ANKRD30A: variants seen among roughly 807,000 people sequenced by gnomAD.
ANKRD30A encodes ankyrin repeat domain 30A, also known as ankyrin repeat domain-containing protein 30A.
A neutral mutation model predicts 166.3 loss-of-function variants in ANKRD30A; 170 were observed. The ratio of observed to expected loss-of-function variants is 1.02; its 90% CI spans 0.90 to 1.16. The LOEUF (loss-of-function observed/expected upper bound fraction) is 1.16. Among genes scored for constraint, ANKRD30A ranks in the 50% most tolerant of loss-of-function variants. The probability of loss-of-function intolerance (pLI) is 0.00; values close to 1 mark genes in which losing one functional copy is unlikely to be tolerated. For synonymous variants in ANKRD30A, 564 were observed against 508.9 expected, an observed-to-expected ratio of 1.11 and a Z score of -1.46; for missense variants, 1,630 against 1,518.0, an observed-to-expected ratio of 1.07 and a Z score of -1.23.
In ANKRD30A at chr10:37,198,957, C is replaced by G. The variant is rs142992596; in HGVS notation, c.2717-770C>G. 2.3e-4 allele frequency among the ~76,000 whole-genome samples: 35 copies of G among 152,106 alleles called. 1 individual carries two copies. Among genetic ancestry groups the G allele is most frequent in the Middle Eastern group, 6.8e-3 (2 of 294 alleles). On this transcript the variant is annotated intron_variant, in intron 29 of 35. Coordinates refer to ENST00000361713, the MANE Select transcript of ANKRD30A (RefSeq NM_052997.3). ...TTCTGTCTCATGTTCCTGAGAACTC[C>G]TCAAGTCTTGAGTGGGCCTTGATTT...
chr10:37,249,272 A>G, the ANKRD30A span, among the ~76,000 whole-genome samples: 1 of 152,218 alleles, frequency 6.6e-6, no homozygotes, highest in Non-Finnish European at 1.5e-5. Flanking sequence ...ATCTAAAGAT[A>G]CTTAAGTGAC....
At chr10:37,179,313 A>C (rs1422313210) in intron 24 of ANKRD30A, among the ~76,000 whole-genome samples, 2 of 150,912 alleles carry the variant, frequency 1.3e-5, no homozygotes, top group African/African-American at 4.8e-5. Context: ...AACGTAGAAA[A>C]TGTTATTAAT....
intron 24 of ANKRD30A, among the ~76,000 whole-genome samples, chr10:37,178,094 T>C (rs1839875281): frequency 6.6e-6 from 1 of 151,324 alleles, no homozygotes; most frequent in Non-Finnish European, 1.5e-5. Context: ...AACAGGTTTA[T>C]GTAATGGAGG....
intron 27 of ANKRD30A, among the ~76,000 whole-genome samples, chr10:37,195,215 A>G (rs1840980302): frequency 6.6e-6 from 1 of 152,232 alleles, no homozygotes; most frequent in African/African-American, 2.4e-5. Context: ...ATATGAAATA[A>G]TGTCTGAAGT....
chr10:37,194,402 C>T (rs1435832108), intron 27 of ANKRD30A, among the ~76,000 whole-genome samples: 3 of 150,970 alleles, frequency 2.0e-5, no homozygotes, highest in South Asian at 2.1e-4. Flanking sequence ...AGTGCCATGG[C>T]GCCATCTCGG....
In ANKRD30A at chr10:37,224,473, CGT is replaced by C. The variant is rs57256401; in HGVS notation, c.4185+4579_4185+4580del. On this transcript the variant is annotated intron_variant, in intron 34 of 35. Coordinates refer to ENST00000361713, the MANE Select transcript of ANKRD30A (RefSeq NM_052997.3). Reference sequence around the variant, plus strand: ...GTTGTTTTTGATACACACACACACACGTGTATATATACACATATATTATATGT... The same window carrying C: ...GTTGTTTTTGATACACACACACACACGTATATATACACATATATTATATGT... Among the ~76,000 whole-genome samples, 1,390 of 149,958 alleles carry C rather than the reference CGT, an allele frequency of 9.3e-3. 32 individuals are homozygous for C. In the East Asian group the frequency reaches 0.095, roughly 10 times the overall value.
At chr10:37,158,650 A>C in intron 15 of ANKRD30A, 64 bp downstream of exon 15, 1 of 1,586,552 alleles carries the variant, frequency 6.3e-7, no homozygotes, top group Non-Finnish European at 8.6e-7. Flanking sequence ...AAATGCTGTG[A>C]GACTTTTCAT....
At position 37,219,652 on chromosome 10, in the gene ANKRD30A, G is replaced by T; in HGVS notation, c.3940G>T (p.Glu1314Ter). 1 of 1,596,122 alleles carries T rather than the reference G, an allele frequency of 6.3e-7. No homozygotes were observed. The highest frequency in any genetic ancestry group is 1.1e-5 in the South Asian group (1 of 90,916). The stretch of plus-strand genomic sequence containing the variant: ...ACAAGATAATGTGAACAAACACACT[G>T]AACAGCAGGAGTCTCTAGATCAGAA... Reference protein sequence around the residue: ...NEQDNVNKHTEQQESLDQKLF... With the variant: ...NEQDNVNKHT The change falls in exon 34 of 36, where the codon GAA becomes TAA. Residue 1314 changes from glutamate to a stop codon, truncating the protein, a stop_gained. Coordinates refer to ENST00000361713, the MANE Select transcript of ANKRD30A (RefSeq NM_052997.3). LOFTEE classifies it high-confidence loss of function.
chr10:37,250,525 T>C, the ANKRD30A span, among the ~76,000 whole-genome samples: 1 of 152,102 alleles, frequency 6.6e-6, no homozygotes, highest in African/African-American at 2.4e-5. Context: ...CGTCCTACTG[T>C]GATCTGAATG....
At chr10:37,160,616 T>A (rs555748714) in intron 15 of ANKRD30A, among the ~76,000 whole-genome samples, 18 of 152,228 alleles carry the variant, frequency 1.2e-4, no homozygotes, top group South Asian at 1.0e-3. Context: ...CTCTTTTTTT[T>A]AAAAAAATAT....
At chr10:37,230,401 T>C (rs1843366813) in intron 34 of ANKRD30A, among the ~76,000 whole-genome samples, 1 of 152,046 alleles carries the variant, frequency 6.6e-6, no homozygotes, top group Admixed American at 6.6e-5. Flanking sequence ...AAAGTGTTTG[T>C]CCAGGAGAGT....
At chr10:37,148,113 A>G (rs1837642636) in intron 9 of ANKRD30A, among the ~76,000 whole-genome samples, 1 of 151,700 alleles carries the variant, frequency 6.6e-6, no homozygotes, top group Non-Finnish European at 1.5e-5. Context: ...CCTTGTTAAT[A>G]CACAGTATCA....
At chr10:37,158,266 A>G (rs182897829) in intron 13 of ANKRD30A, 126 bp from the exon 14 acceptor site, 1 of 1,420,892 alleles carries the variant, frequency 7.0e-7, no homozygotes, top group Admixed American at 2.2e-5. Flanking sequence ...AAAGACCCCA[A>G]AACATAGTGT....
the ANKRD30A span, among the ~76,000 whole-genome samples, chr10:37,251,201 T>G: frequency 4.0e-5 from 6 of 151,244 alleles, no homozygotes; most frequent in African/African-American, 1.5e-4. Flanking sequence ...TTGAGGGGAG[T>G]GAAAGGTGGT....
chr10:37,243,207 T>C, the ANKRD30A span, among the ~76,000 whole-genome samples: 1 of 150,908 alleles, frequency 6.6e-6, no homozygotes, highest in South Asian at 2.1e-4. Context: ...CGATCTCGGC[T>C]CACTGCAAGC....
intron 21 of ANKRD30A, among the ~76,000 whole-genome samples, chr10:37,172,543 C>CTTTTT (rs148180513): frequency 2.4e-5 from 2 of 83,040 alleles, no homozygotes; most frequent in Non-Finnish European, 2.5e-5. Context: ...TTTTTAATTT[C>CTTTTT]TTTTTTTTTT....
chr10:37,165,953 G>T (rs552083039), intron 18 of ANKRD30A, among the ~76,000 whole-genome samples: 2 of 152,050 alleles, frequency 1.3e-5, no homozygotes, highest in African/African-American at 4.8e-5. Flanking sequence ...ACAAAAAGAC[G>T]TTAATACTTG....
intron 29 of ANKRD30A, among the ~76,000 whole-genome samples, chr10:37,198,652 G>T (rs973734727): frequency 1.3e-5 from 2 of 151,956 alleles, no homozygotes; most frequent in Non-Finnish European, 2.9e-5. Context: ...TTCCAAAAAT[G>T]AGTGAAAACG....
At chr10:37,161,705 C>G (rs983871889) in intron 15 of ANKRD30A, among the ~76,000 whole-genome samples, 9 of 152,226 alleles carry the variant, frequency 5.9e-5, no homozygotes, top group Middle Eastern at 3.4e-3. Context: ...CTGTTACAAT[C>G]AGGGAAGACA....
Sources: allele counts gnomAD v4.1 joint callset (sites outside exome capture counted in the v4.1 genomes callset), GRCh38; gene constraint gnomAD v4.1.1; transcripts MANE v1.5; gene names NCBI Gene and HGNC (gene_info 2026-07-23, HGNC 2026-07-21).